ADCY1: variants seen among roughly 807,000 people sequenced by gnomAD.
ADCY1 encodes adenylate cyclase 1, also known as adenylate cyclase type 1.
ADCY1 carries 28 observed loss-of-function variants against 105.4 expected under a neutral mutation model. The observed-to-expected ratio is 0.27, with a 90% CI of 0.20 to 0.36. The LOEUF (loss-of-function observed/expected upper bound fraction) is 0.36. ADCY1 is among the 10% of genes least tolerant of loss of function. ADCY1 has a pLI of 1.00. For missense variants in ADCY1, 977 were observed against 1,434.2 expected (o/e 0.68, Z 5.15); for synonymous variants, 655 against 623.8 (o/e 1.05, Z -0.75).
At chr7:45,653,994 A>C (rs574885561) in intron 5 of ADCY1, among the ~76,000 whole-genome samples, 2 of 152,224 alleles carry the variant, frequency 1.3e-5, no homozygotes, top group African/African-American at 4.8e-5. Context: ...TCGAGTCCTT[A>C]ATTTTCTTTG....
In ADCY1 at chr7:45,721,668, G is replaced by C. The variant is rs1050303473; in HGVS notation, c.*7673G>C. On this transcript the variant is annotated 3_prime_UTR_variant, in exon 20 of 20. Coordinates refer to ENST00000297323, the MANE Select transcript of ADCY1 (RefSeq NM_021116.4). The stretch of plus-strand genomic sequence containing the variant: ...GTTATTGTCATATGCTGCTGGTGAG[G>C]TAAAGGTGGGTCCGGGTGCCTTCCC... 1 of 398,598 alleles carries C rather than the reference G, an allele frequency of 2.5e-6. No individual in the cohort carries two copies. The highest frequency in any genetic ancestry group is 4.4e-5 in the Admixed American group (1 of 22,736). The allele number at this position is 398,598 out of a possible 1,614,324, so 24.7% of individuals were successfully genotyped here.
At chr7:45,584,221 G>A (rs1379440279) in intron 1 of ADCY1, among the ~76,000 whole-genome samples, 1 of 152,140 alleles carries the variant, frequency 6.6e-6, no homozygotes, top group Non-Finnish European at 1.5e-5. Flanking sequence ...TGGGATTACA[G>A]ATGTGAGCCA....
At chr7:45,597,065 A>T (rs1303357392) in intron 2 of ADCY1, among the ~76,000 whole-genome samples, 3 of 152,052 alleles carry the variant, frequency 2.0e-5, no homozygotes, top group Non-Finnish European at 4.4e-5. Context: ...GGCTCAGAAA[A>T]CACCTCCCAG....
At chr7:45,590,210 A>G (rs118133709) in intron 1 of ADCY1, among the ~76,000 whole-genome samples, 20 of 152,164 alleles carry the variant, frequency 1.3e-4, no homozygotes, top group Non-Finnish European at 2.2e-4. Flanking sequence ...CAGCTGTGCT[A>G]TGTCCCCACC....
intron 4 of ADCY1, among the ~76,000 whole-genome samples, chr7:45,645,500 C>A (rs981109901): frequency 3.9e-5 from 6 of 152,066 alleles, no homozygotes; most frequent in African/African-American, 1.2e-4. Context: ...CCCTGGAGGC[C>A]CTGCTACCAT....
chr7:45,668,683 T>A (rs1162721572), intron 8 of ADCY1, among the ~76,000 whole-genome samples: 1 of 152,232 alleles, frequency 6.6e-6, no homozygotes, highest in East Asian at 1.9e-4. Context: ...TTCTATTGAT[T>A]GGAATACTTT....
intron 8 of ADCY1, among the ~76,000 whole-genome samples, chr7:45,667,921 G>T (rs1302952940): frequency 6.6e-6 from 1 of 151,764 alleles, no homozygotes; most frequent in Middle Eastern, 3.2e-3. Flanking sequence ...TCATGATTTA[G>T]CTCTGTTTGT....
intron 11 of ADCY1, among the ~76,000 whole-genome samples, chr7:45,681,284 G>C (rs1784550701): frequency 6.6e-6 from 1 of 152,130 alleles, no homozygotes; most frequent in Non-Finnish European, 1.5e-5. Context: ...ATAATTCCAG[G>C]TGCTGACATT....
chr7:45,696,156 C>T (rs1473518371), intron 14 of ADCY1, among the ~76,000 whole-genome samples: 2 of 149,418 alleles, frequency 1.3e-5, no homozygotes, highest in Non-Finnish European at 3.0e-5. Context: ...TCCAGATTTT[C>T]GGCCGGGCGC....
intron 14 of ADCY1, among the ~76,000 whole-genome samples, chr7:45,697,279 C>T (rs1784903129): frequency 6.6e-6 from 1 of 151,916 alleles, no homozygotes; most frequent in Non-Finnish European, 1.5e-5. Context: ...TCTCCGTGTA[C>T]AGTGACGGTG....
rs757496973 is a variant in ADCY1 at position 45,591,681 on chromosome 7, G to T, written c.640-1078G>T. Among the ~76,000 whole-genome samples the T allele has an allele frequency of 1.3e-4, 20 of 152,250 alleles. No individual in the cohort carries two copies. The highest frequency in any genetic ancestry group is 2.5e-4 in the Non-Finnish European group (17 of 68,054). On this transcript the variant is annotated intron_variant, in intron 1 of 19. Coordinates refer to ENST00000297323, the MANE Select transcript of ADCY1 (RefSeq NM_021116.4). The surrounding 1 kb of genome is among the most constrained non-coding windows in gnomAD (Gnocchi z 4.1). ...AGGGCCTCTGGCAGGACATGCCATGGCCCTGCATGGCTCGTCAGAGTTGCC... is the reference window on the plus strand; with the variant it reads ...AGGGCCTCTGGCAGGACATGCCATGTCCCTGCATGGCTCGTCAGAGTTGCC...
chr7:45,614,642 T>A (rs1413132734), intron 3 of ADCY1, among the ~76,000 whole-genome samples: 1 of 152,180 alleles, frequency 6.6e-6, no homozygotes, highest in Non-Finnish European at 1.5e-5. Context: ...AACTATATGC[T>A]GTCTATTTAA....
intron 4 of ADCY1, among the ~76,000 whole-genome samples, chr7:45,629,784 G>T (rs1794184301): frequency 6.6e-6 from 1 of 152,140 alleles, no homozygotes; most frequent in African/African-American, 2.4e-5. Context: ...CTCCCAAAGT[G>T]CTGGGATTAC....
chr7:45,666,577 G>A (rs915970373), intron 8 of ADCY1, among the ~76,000 whole-genome samples: 38 of 152,132 alleles, frequency 2.5e-4, no homozygotes, highest in Admixed American at 9.2e-4. Flanking sequence ...GAATAGTGCC[G>A]CAATAAACAT....
intron 14 of ADCY1, among the ~76,000 whole-genome samples, chr7:45,699,303 T>C (rs1204703611): frequency 6.6e-6 from 1 of 152,200 alleles, no homozygotes; most frequent in Non-Finnish European, 1.5e-5. Context: ...GGACAAAAGA[T>C]CCAGGGAGGG....
At chr7:45,698,190 T>A (rs555585651) in intron 14 of ADCY1, among the ~76,000 whole-genome samples, 1 of 144,534 alleles carries the variant, frequency 6.9e-6, no homozygotes, top group African/African-American at 2.5e-5. Context: ...CACACACACA[T>A]ACACCACTTA....
intron 8 of ADCY1, among the ~76,000 whole-genome samples, chr7:45,673,010 A>G (rs1784393224): frequency 6.6e-6 from 1 of 152,068 alleles, no homozygotes; most frequent in Admixed American, 6.5e-5. Flanking sequence ...GATAATTTTT[A>G]TCATGAATGG....
chr7:45,628,080 G>T (rs902222476), intron 4 of ADCY1, among the ~76,000 whole-genome samples: 1 of 152,206 alleles, frequency 6.6e-6, no homozygotes, highest in Admixed American at 6.5e-5. Flanking sequence ...TGTCACCTGG[G>T]ACACCTTAAG....
At chr7:45,622,577 G>A (rs772196006) in intron 3 of ADCY1, 55 bp from the exon 4 acceptor site, 6 of 1,254,942 alleles carry the variant, frequency 4.8e-6, no homozygotes, top group Admixed American at 3.4e-5. Context: ...CATCTCTAGG[G>A]ATTATTTCCT....
Sources: allele counts gnomAD v4.1 joint callset (sites outside exome capture counted in the v4.1 genomes callset), GRCh38; gene constraint gnomAD v4.1.1; non-coding constraint Gnocchi (gnomAD v3.1); transcripts MANE v1.5; gene names NCBI Gene and HGNC (gene_info 2026-07-23, HGNC 2026-07-21).